FILIP1L: variants seen among roughly 807,000 people sequenced by gnomAD.
FILIP1L encodes filamin A-interacting protein 1-like.
In FILIP1L, 55 loss-of-function variants were observed where a neutral mutation model predicts 96.6. The observed-to-expected ratio is 0.57, with a 90% CI of 0.46 to 0.71. The LOEUF is 0.71. Among genes scored for constraint, FILIP1L ranks in the 30% least tolerant of loss-of-function variants. The pLI, the probability that FILIP1L is intolerant of heterozygous loss-of-function variation, is 0.00. For synonymous variants in FILIP1L, 467 were observed against 473.9 expected (o/e 0.99, Z 0.19); for missense variants, 1,304 against 1,321.2 (o/e 0.99, Z 0.20).
intron 1 of FILIP1L, among the ~76,000 whole-genome samples, chr3:99,952,437 C>G (rs1205473122): frequency 6.6e-6 from 1 of 152,270 alleles, no homozygotes; most frequent in East Asian, 1.9e-4. Context: ...CCTACCCCAG[C>G]CCCAAAAATT....
chr3:99,932,697 C>T (rs939716682), intron 1 of FILIP1L, among the ~76,000 whole-genome samples: 4 of 152,130 alleles, frequency 2.6e-5, no homozygotes, highest in African/African-American at 9.7e-5. Flanking sequence ...CAAGACCAGC[C>T]TGGCCAACAT....
In FILIP1L at chr3:99,897,297, G is replaced by A. The variant is rs911814779; in HGVS notation, c.605+26933C>T. On this transcript the variant is annotated intron_variant, in intron 4 of 5. Coordinates refer to ENST00000477258, the MANE Select transcript of FILIP1L (RefSeq NM_001387850.1). ...TCGCTCGAACCCAGGAGGCCTCCGC[G>A]GGAGGAGGTTGCAGGGAGCCGAGAT... 4.6e-5 allele frequency among the ~76,000 whole-genome samples: 7 copies of A among 152,116 alleles called. 1 individual carries two copies. In the South Asian group the frequency reaches 6.2e-4, roughly 14 times the overall value.
At chr3:99,844,168 C>T (rs1289691244) in intron 5 of FILIP1L, among the ~76,000 whole-genome samples, 1 of 152,078 alleles carries the variant, frequency 6.6e-6, no homozygotes, top group Non-Finnish European at 1.5e-5. Flanking sequence ...TATTGCTAGC[C>T]CAGAAAAAGA....
intron 1 of FILIP1L, among the ~76,000 whole-genome samples, chr3:100,051,919 A>T (rs1276021023): frequency 6.7e-6 from 1 of 148,666 alleles, no homozygotes; most frequent in Non-Finnish European, 1.5e-5. Context: ...TGTGTTATTA[A>T]AATATATGTT....
At chr3:99,943,425 C>T (rs1201589285) in intron 1 of FILIP1L, among the ~76,000 whole-genome samples, 3 of 151,980 alleles carry the variant, frequency 2.0e-5, no homozygotes, top group East Asian at 1.9e-4. Flanking sequence ...TAAATCTTGC[C>T]GGGTATGGTG....
At chr3:99,845,433 A>G (rs1231956983) in intron 5 of FILIP1L, among the ~76,000 whole-genome samples, 2 of 152,206 alleles carry the variant, frequency 1.3e-5, no homozygotes, top group African/African-American at 2.4e-5. Context: ...GAGAGACGAA[A>G]AAACAGTCTA....
intron 1 of FILIP1L, among the ~76,000 whole-genome samples, chr3:100,020,483 T>G (rs899232795): frequency 6.6e-6 from 1 of 152,164 alleles, no homozygotes; most frequent in Non-Finnish European, 1.5e-5. Flanking sequence ...TCATTTAGGC[T>G]CTAATCGTTT....
intron 4 of FILIP1L, chr3:99,898,603 C>CA: frequency 5.4e-6 from 1 of 185,756 alleles, no homozygotes; most frequent in South Asian, 7.7e-5. Context: ...TCTGTCTCTA[C>CA]AAAAATACAA....
chr3:100,045,393 G>A (rs1474542603), intron 1 of FILIP1L, among the ~76,000 whole-genome samples: 1 of 152,196 alleles, frequency 6.6e-6, no homozygotes, highest in Non-Finnish European at 1.5e-5. Context: ...GTGGAAAAGA[G>A]TGAATAAAGG....
chr3:99,918,139 G>A (rs981495556), intron 4 of FILIP1L, among the ~76,000 whole-genome samples: 8 of 151,834 alleles, frequency 5.3e-5, no homozygotes, highest in African/African-American at 1.2e-4. Flanking sequence ...CACCACGCCC[G>A]GCTAATTTTT....
chr3:99,911,811 A>G (rs1706797545), intron 4 of FILIP1L, among the ~76,000 whole-genome samples: 1 of 152,170 alleles, frequency 6.6e-6, no homozygotes, highest in South Asian at 2.1e-4. Context: ...GACAGGATCC[A>G]TGTCTTCTTC....
intron 1 of FILIP1L, among the ~76,000 whole-genome samples, chr3:99,948,484 C>T (rs1478230126): frequency 1.4e-5 from 2 of 140,258 alleles, no homozygotes; most frequent in East Asian, 4.2e-4. Flanking sequence ...TTGGAGGTTA[C>T]AGTGAGCCAT....
At chr3:100,088,415 T>A (rs2107425096) in intron 1 of FILIP1L, among the ~76,000 whole-genome samples, 1 of 152,350 alleles carries the variant, frequency 6.6e-6, no homozygotes, top group Middle Eastern at 3.4e-3. Flanking sequence ...AGAGGAAATA[T>A]ATGAAGATAT....
In FILIP1L at chr3:99,850,396, A is replaced by G; in HGVS notation, c.1280T>C (p.Leu427Pro). Residue 427 changes from leucine (L) to proline (P), a missense_variant, in exon 5 of 6, where the codon CTG (leucine) becomes CCG (proline). Transcript: ENST00000477258. The stretch of plus-strand genomic sequence containing the variant: ...GTTGAAAGCGTCTTCTAACTTTTCC[A>G]GAGCCATAATTCTTTTACTGAGTTT... ...VEKLSKRIMA[L>P]EKLEDAFNKS... The G allele has an allele frequency of 1.2e-6, 2 of 1,613,596 alleles. No individual in the cohort carries two copies. Among genetic ancestry groups the G allele is most frequent in the Non-Finnish European group, 1.7e-6 (2 of 1,179,912 alleles).
chr3:100,017,760 A>G (rs1312260250), intron 1 of FILIP1L, among the ~76,000 whole-genome samples: 19 of 152,000 alleles, frequency 1.3e-4, no homozygotes, highest in Admixed American at 1.2e-3. Flanking sequence ...CACTGTCTCT[A>G]AAAATAATAC....
chr3:100,066,511 T>C (rs2065665876), intron 1 of FILIP1L, among the ~76,000 whole-genome samples: 1 of 131,062 alleles, frequency 7.6e-6, no homozygotes, highest in Non-Finnish European at 1.7e-5. Flanking sequence ...GTGGAAGGCT[T>C]TGCTTCTTTT....
chr3:100,009,233 G>A lies in FILIP1L; in HGVS notation c.-10-78203C>T, dbSNP rs76911477. Among the ~76,000 whole-genome samples, 821 of 152,128 alleles carry A rather than the reference G, an allele frequency of 5.4e-3. 4 individuals are homozygous for A. The highest frequency in any genetic ancestry group is 9.8e-3 in the South Asian group (47 of 4,820). ...AAGAAATTCTTGGATTTTAACCTAC[G>A]GTATTATCAAGAATATAAGATCTAT... On this transcript the variant is annotated intron_variant, in intron 1 of 5. Transcript: ENST00000477258.
At chr3:99,944,154 G>A (rs1707935223) in intron 1 of FILIP1L, among the ~76,000 whole-genome samples, 1 of 152,214 alleles carries the variant, frequency 6.6e-6, no homozygotes. Flanking sequence ...ACCAAAGGGA[G>A]GGAGTTCTTC....
intron 1 of FILIP1L, among the ~76,000 whole-genome samples, chr3:99,941,642 A>G (rs1000725992): frequency 1.3e-5 from 2 of 152,214 alleles, no homozygotes; most frequent in Admixed American, 1.3e-4. Context: ...CCAACAAATA[A>G]TAGGGAATAA....
Sources: allele counts gnomAD v4.1 joint callset (sites outside exome capture counted in the v4.1 genomes callset), GRCh38; gene constraint gnomAD v4.1.1; transcripts MANE v1.5; gene names NCBI Gene and HGNC (gene_info 2026-07-23, HGNC 2026-07-21).